ME1: variants seen among roughly 807,000 people sequenced by gnomAD.
ME1 encodes NADP-dependent malic enzyme.
A neutral mutation model predicts 66.4 loss-of-function variants in ME1; 74 were observed. That is an observed-to-expected ratio of 1.11 (90% confidence interval 0.92 to 1.35). The LOEUF (loss-of-function observed/expected upper bound fraction) is 1.35. Among genes scored for constraint, ME1 ranks in the 40% most tolerant of loss-of-function variants. ME1 has a pLI of 0.00. For synonymous variants in ME1, 251 were observed against 235.6 expected, an observed-to-expected ratio of 1.07 and a Z score of -0.60; for missense variants, 750 against 694.1, an observed-to-expected ratio of 1.08 and a Z score of -0.90.
intron 12 of ME1, among the ~76,000 whole-genome samples, chr6:83,221,791 GA>G (rs950878880): frequency 9.2e-5 from 14 of 151,790 alleles, no homozygotes; most frequent in Admixed American, 2.6e-4. Flanking sequence ...ATGAATGCTA[GA>G]AAAAAAACTC....
At chr6:83,226,997 G>C (rs1358486273) in intron 11 of ME1, among the ~76,000 whole-genome samples, 3 of 152,108 alleles carry the variant, frequency 2.0e-5, no homozygotes, top group Non-Finnish European at 4.4e-5. Flanking sequence ...TTCAGTGTTT[G>C]GGAATAGCTA....
At chr6:83,242,186 G>A (rs1467011340) in intron 7 of ME1, among the ~76,000 whole-genome samples, 2 of 152,040 alleles carry the variant, frequency 1.3e-5, no homozygotes. Flanking sequence ...GTTTTAAAGA[G>A]GACTTAACAC....
intron 9 of ME1, among the ~76,000 whole-genome samples, chr6:83,235,065 T>C (rs1562454621): frequency 6.6e-6 from 1 of 152,122 alleles, no homozygotes; most frequent in African/African-American, 2.4e-5. Context: ...TGTTTCAGTT[T>C]TGTATATAGG....
At chr6:83,279,832 C>A (rs542515880) in intron 6 of ME1, among the ~76,000 whole-genome samples, 1 of 152,208 alleles carries the variant, frequency 6.6e-6, no homozygotes, top group African/African-American at 2.4e-5. Flanking sequence ...ATAGGCATAT[C>A]AGAGTTAAGT....
chr6:83,303,967 A>T (rs1767777639), intron 6 of ME1, among the ~76,000 whole-genome samples: 1 of 152,194 alleles, frequency 6.6e-6, no homozygotes, highest in Non-Finnish European at 1.5e-5. Context: ...ATATTAAGCC[A>T]AATTTGCCAG....
intron 1 of ME1, among the ~76,000 whole-genome samples, chr6:83,410,262 A>G (rs1770025637): frequency 6.6e-6 from 1 of 152,316 alleles, no homozygotes; most frequent in Non-Finnish European, 1.5e-5. Context: ...AGAATTTATT[A>G]TGAGAAAATT....
intron 2 of ME1, 69 bp from the exon 3 acceptor site, chr6:83,398,585 T>A: frequency 1.3e-6 from 1 of 794,252 alleles, no homozygotes; most frequent in Non-Finnish European, 2.0e-6. Context: ...GAAATCTAAT[T>A]AAATATTTTC....
At chr6:83,357,765 T>C (rs1044532400) in intron 3 of ME1, among the ~76,000 whole-genome samples, 2 of 151,778 alleles carry the variant, frequency 1.3e-5, no homozygotes, top group Non-Finnish European at 2.9e-5. Flanking sequence ...TCTCCCATGC[T>C]GGATGCTTCC....
intron 6 of ME1, among the ~76,000 whole-genome samples, chr6:83,283,815 T>C (rs1376782697): frequency 1.3e-5 from 2 of 152,074 alleles, no homozygotes; most frequent in Non-Finnish European, 2.9e-5. Flanking sequence ...TCTAACATCA[T>C]GCCTAGAGGA....
intron 11 of ME1, among the ~76,000 whole-genome samples, chr6:83,225,056 G>T (rs1260540957): frequency 2.0e-5 from 3 of 151,632 alleles, no homozygotes; most frequent in Non-Finnish European, 4.4e-5. Flanking sequence ...ACAAAAATTA[G>T]CTGGGTGTGG....
chr6:83,276,070 C>A (rs1767177512), intron 6 of ME1, among the ~76,000 whole-genome samples: 1 of 152,014 alleles, frequency 6.6e-6, no homozygotes, highest in South Asian at 2.1e-4. Context: ...GCGCCCCGGC[C>A]AACATTTTTT....
chr6:83,366,004 T>G, intron 3 of ME1, among the ~76,000 whole-genome samples: 1 of 152,196 alleles, frequency 6.6e-6, no homozygotes, highest in Non-Finnish European at 1.5e-5. Context: ...TTCTCTTTTT[T>G]ACTCTAATGA....
Position 83,407,819 on chromosome 6 carries a change from T to C in ME1, c.161A>G (p.Gln54Arg). 2 of 1,612,894 alleles carry C rather than the reference T, an allele frequency of 1.2e-6. No individual in the cohort carries two copies. Among genetic ancestry groups the C allele is most frequent in the Non-Finnish European group, 1.7e-6 (2 of 1,179,680 alleles). Residue 54 changes from glutamine (Q) to arginine (R), a missense_variant, in exon 2 of 14, where the codon CAG becomes CGG. Physicochemically the swap from Gln to Arg is conservative, Grantham distance 43. Transcript: ENST00000369705. ...LPPSFNSQEI[Q>R]VLRVVKNFEH... is the part of the protein sequence containing the mutation. ...GAAATTTTTTACTACTCTAAGAACCTGGATCTCCTGACTGTTGAAGGAAGG... is the reference window on the plus strand; with the variant it reads ...GAAATTTTTTACTACTCTAAGAACCCGGATCTCCTGACTGTTGAAGGAAGG...
intron 3 of ME1, among the ~76,000 whole-genome samples, chr6:83,390,848 C>G (rs531840907): frequency 8.6e-5 from 13 of 151,176 alleles, no homozygotes; most frequent in African/African-American, 2.9e-4. Context: ...TCCTCTCCCC[C>G]TCCCCAGCCA....
At chr6:83,378,569 C>T (rs1024915845) in intron 3 of ME1, among the ~76,000 whole-genome samples, 1 of 151,954 alleles carries the variant, frequency 6.6e-6, no homozygotes, top group Non-Finnish European at 1.5e-5. Context: ...AGACAGTTTG[C>T]TATATTGTTA....
chr6:83,342,875 G>T (rs1294686607), intron 5 of ME1, among the ~76,000 whole-genome samples: 2 of 152,038 alleles, frequency 1.3e-5, no homozygotes, highest in African/African-American at 4.8e-5. Context: ...TAGTATACGG[G>T]TTTTCTCTAT....
In ME1 at chr6:83,288,864, C is replaced by T. The variant is rs180735178; in HGVS notation, c.704+26446G>A. On this transcript the variant is annotated intron_variant, in intron 6 of 13. Coordinates refer to ENST00000369705, the MANE Select transcript of ME1 (RefSeq NM_002395.6). ...GGTTTGTAGTTCTCCTTGAAGAGGT[C>T]CTTCACGTCCCTTGTAAGTTGTATT... Among the ~76,000 whole-genome samples the T allele has an allele frequency of 2.0e-5, 3 of 152,274 alleles. No homozygotes were observed. The East Asian group carries it at 5.8e-4, about 29-fold the overall frequency.
At chr6:83,314,134 G>A (rs1767981485) in intron 6 of ME1, among the ~76,000 whole-genome samples, 1 of 152,136 alleles carries the variant, frequency 6.6e-6, no homozygotes, top group Non-Finnish European at 1.5e-5. Context: ...CTGTCAGTGT[G>A]ATAAAATTCT....
At chr6:83,350,347 T>C (rs950625440) in intron 4 of ME1, among the ~76,000 whole-genome samples, 2 of 152,152 alleles carry the variant, frequency 1.3e-5, no homozygotes, top group African/African-American at 4.8e-5. Flanking sequence ...GATCAGTTAG[T>C]TGGAAGAACA....
Sources: gnomAD v4.1 joint callset for allele counts (sites outside exome capture counted in the v4.1 genomes callset) on GRCh38, gnomAD v4.1.1 for gene constraint, MANE v1.5 for transcripts, NCBI Gene and HGNC (gene_info 2026-07-23, HGNC 2026-07-21) for gene names.